FBN1: variants seen among roughly 807,000 people sequenced by gnomAD.
The protein encoded by FBN1 is fibrillin 1.
A neutral mutation model predicts 365.1 loss-of-function variants in FBN1; 29 were observed. The ratio of observed to expected loss-of-function variants is 0.08; its 90% confidence interval spans 0.06 to 0.11. The LOEUF is 0.11. Ranked by LOEUF, FBN1 falls within the 10% of genes least tolerant of loss-of-function variation. The pLI, the probability that FBN1 is intolerant of heterozygous loss-of-function variation, is 1.00. For missense variants in FBN1, 2,476 were observed against 3,703.2 expected (o/e 0.67, Z 8.60); for synonymous variants, 1,210 against 1,270.5 (o/e 0.95, Z 1.01).
chr15:48,411,505 T>G, intron 65 of FBN1, 126 bp from the exon 66 acceptor site: 1 of 829,316 alleles, frequency 1.2e-6, no homozygotes, highest in Non-Finnish European at 2.0e-6. Flanking sequence ...TACACAATAT[T>G]GAAAGCATTT....
At chr15:48,592,006 T>C (rs1387936067) in intron 6 of FBN1, among the ~76,000 whole-genome samples, 2 of 152,182 alleles carry the variant, frequency 1.3e-5, no homozygotes, top group African/African-American at 4.8e-5. Flanking sequence ...ACAGGACTTT[T>C]CTCATAAGGT....
At chr15:48,598,239 G>A (rs2140714778) in intron 5 of FBN1, among the ~76,000 whole-genome samples, 1 of 152,284 alleles carries the variant, frequency 6.6e-6, no homozygotes, top group South Asian at 2.1e-4. Context: ...ACCCTTAGAG[G>A]AACTACTGAG....
chr15:48,571,287 C>T (rs538631527), intron 6 of FBN1, among the ~76,000 whole-genome samples: 15 of 152,218 alleles, frequency 9.9e-5, no homozygotes, highest in African/African-American at 3.4e-4. Context: ...TATAGCAGAA[C>T]AATGGCACCC....
intron 12 of FBN1, 118 bp downstream of exon 12, chr15:48,515,269 G>A (rs1800026028): frequency 1.9e-6 from 2 of 1,079,700 alleles, no homozygotes; most frequent in South Asian, 2.7e-5. Flanking sequence ...ATTTAAATTT[G>A]TATTGTATTA....
rs537924722 is a variant in FBN1, at chr15:48,523,710, T to TGG, written c.988+2418_988+2419dup. Among the ~76,000 whole-genome samples, 352 of 81,402 alleles carry TGG rather than the reference T, an allele frequency of 4.3e-3. 2 individuals carry two copies. Among genetic ancestry groups the TGG allele is most frequent in the African/African-American group, 0.017 (271 of 16,216 alleles). The allele number at this position is 81,402 out of a possible 152,430, so 53.4% of individuals were successfully genotyped here. A position where few individuals can be genotyped will look rare whatever the true frequency, so the allele number is the denominator to read the frequency against. ...GCAGCAGTGCCACACCAAGGGTGGC[T>TGG]GGGGGGGGGGGGGAACCGTTGTGGT... is the stretch of plus-strand genomic sequence containing the variant. On this transcript the variant is annotated intron_variant, in intron 9 of 65. Transcript: ENST00000316623.
chr15:48,566,399 CT>C (rs1227811177), intron 6 of FBN1, among the ~76,000 whole-genome samples: 2 of 152,200 alleles, frequency 1.3e-5, no homozygotes, highest in Non-Finnish European at 1.5e-5. Flanking sequence ...TGTCTCCACA[CT>C]TTAAGCAAGC....
At chr15:48,603,858 A>G (rs1305170282) in intron 4 of FBN1, among the ~76,000 whole-genome samples, 1 of 152,204 alleles carries the variant, frequency 6.6e-6, no homozygotes, top group African/African-American at 2.4e-5. Context: ...CTGCCCTTGA[A>G]GACGAGCAGA....
rs191879221 is a variant in FBN1 at position 48,438,285 on chromosome 15, T to C, written c.6164-368A>G. ...ATCATTCACAAGATTCCTTCATTGA[T>C]AGCTCTGCTTGCAATATCATGTTTA... On this transcript the variant is annotated intron_variant, in intron 50 of 65. Coordinates refer to ENST00000316623, the MANE Select transcript of FBN1 (RefSeq NM_000138.5). Among the ~76,000 whole-genome samples the C allele has an allele frequency of 1.3e-3, 198 of 152,338 alleles. 2 individuals are homozygous for C. The highest frequency in any genetic ancestry group is 4.4e-3 in the African/African-American group (185 of 41,580).
rs1217778242 is a variant in FBN1 at position 48,446,836 on chromosome 15, A to G, written c.5672-14T>C. ...ATTCATTTATGTCTAGTAGGAAGAA[A>G]GGCCATAAAGAAACATAATTATAAG... On this transcript the variant is annotated splice_polypyrimidine_tract_variant and intron_variant, in intron 46 of 65. Transcript: ENST00000316623. 1 of 1,517,360 alleles carries G rather than the reference A, an allele frequency of 6.6e-7. No individual in the cohort carries two copies. The highest frequency in any genetic ancestry group is 9.2e-7 in the Non-Finnish European group (1 of 1,092,350). 94.0% of individuals were successfully genotyped at this position (1,517,360 alleles called of 1,614,324 possible).
rs794728164 is a variant in FBN1, at chr15:48,520,745, G to T, written c.1061C>A (p.Thr354Asn). ...GGCATCACAGCAGCACTGCATTTTG[G>T]TTATGGACTGTGGCAGCTGGTTAGA... ...RCSNQLPQSI[T>N]KMQCCCDAGR... Residue 354 changes from threonine (T) to asparagine (N), a missense_variant, in exon 10 of 66, where the codon ACC becomes AAC. Coordinates refer to ENST00000316623, the MANE Select transcript of FBN1 (RefSeq NM_000138.5). The T allele has an allele frequency of 2.5e-6, 4 of 1,614,170 alleles. No individual in the cohort carries two copies. Among genetic ancestry groups the T allele is most frequent in the Non-Finnish European group, 3.4e-6 (4 of 1,180,032 alleles).
intron 30 of FBN1, 106 bp downstream of exon 30, chr15:48,485,268 A>C (rs1157254739): frequency 2.2e-5 from 31 of 1,427,442 alleles, no homozygotes; most frequent in Non-Finnish European, 2.8e-5. Context: ...AATATATGAC[A>C]AACAAGGGTT....
At chr15:48,511,405 C>G (rs1041366733) in intron 13 of FBN1, among the ~76,000 whole-genome samples, 1 of 151,956 alleles carries the variant, frequency 6.6e-6, no homozygotes, top group African/African-American at 2.4e-5. Context: ...ATGGTAAAAA[C>G]CACATATTCT....
intron 2 of FBN1, among the ~76,000 whole-genome samples, chr15:48,637,358 CATTT>C (rs1329847187): frequency 6.6e-6 from 1 of 152,168 alleles, no homozygotes; most frequent in Non-Finnish European, 1.5e-5. Flanking sequence ...ACATCAGTGA[CATTT>C]ATATTTCCAC....
chr15:48,425,235 G>C, intron 60 of FBN1, 134 bp downstream of exon 60: 1 of 1,176,174 alleles, frequency 8.5e-7, no homozygotes, highest in South Asian at 1.2e-5. Context: ...AGGTCCCATG[G>C]AGGCATTAAC....
chr15:48,630,114 T>C (rs1889956966), intron 2 of FBN1, among the ~76,000 whole-genome samples: 1 of 152,224 alleles, frequency 6.6e-6, no homozygotes, highest in African/African-American at 2.4e-5. Context: ...AACATGTCGG[T>C]CCAGGGGATG....
intron 5 of FBN1, among the ~76,000 whole-genome samples, chr15:48,598,050 C>A (rs1181522316): frequency 6.6e-6 from 1 of 152,188 alleles, no homozygotes; most frequent in African/African-American, 2.4e-5. Context: ...TTAGTTAGGA[C>A]TTGTCTTCCT....
At position 48,600,135 on chromosome 15, in the gene FBN1, T is replaced by G. The variant is rs768207411; in HGVS notation, c.442+4A>C. On this transcript the variant is annotated splice_donor_region_variant and intron_variant, in intron 5 of 65. Coordinates refer to ENST00000316623, the MANE Select transcript of FBN1 (RefSeq NM_000138.5). ...TAGAATACTTATAACTACAGTGTAC[T>G]TACGTTGTCCACAGTGAGTCCCTAT... 4.4e-6 allele frequency: 7 copies of G among 1,596,568 alleles called. No individual in the cohort carries two copies. Among genetic ancestry groups the G allele is most frequent in the South Asian group, 1.1e-5 (1 of 90,736 alleles).
At chr15:48,545,709 T>C (rs1408304490) in intron 6 of FBN1, among the ~76,000 whole-genome samples, 1 of 152,192 alleles carries the variant, frequency 6.6e-6, no homozygotes, top group African/African-American at 2.4e-5. Flanking sequence ...TTTTATCTTA[T>C]GTATACTTTA....
At position 48,596,303 on chromosome 15, in the gene FBN1, G is replaced by A. The variant is rs1184165128; in HGVS notation, c.518C>T (p.Thr173Ile). The A allele has an allele frequency of 1.2e-6, 2 of 1,613,978 alleles. No individual in the cohort carries two copies. The highest frequency in any genetic ancestry group is 2.2e-5 in the East Asian group (1 of 44,872). Reference protein sequence around the residue: ...PNRCACTYGFTGPQCERDYRT... With the variant: ...PNRCACTYGFIGPQCERDYRT... ...ATTACCTCTTTCACACTGGGGTCCA[G>A]TAAATCCGTAAGTGCATGCACATCG... Residue 173 changes from threonine (T) to isoleucine (I), a missense_variant, in exon 6 of 66, where the codon ACT becomes ATT. Coordinates refer to ENST00000316623, the MANE Select transcript of FBN1 (RefSeq NM_000138.5).
Sources: allele counts gnomAD v4.1 joint callset (sites outside exome capture counted in the v4.1 genomes callset), GRCh38; gene constraint gnomAD v4.1.1; transcripts MANE v1.5; gene names NCBI Gene and HGNC (gene_info 2026-07-23, HGNC 2026-07-21).